C3: variants seen among roughly 807,000 people sequenced by gnomAD.
The protein encoded by C3 is C3 and PZP-like alpha-2-macroglobulin domain-containing protein 1.
Under a neutral mutation model 207.9 loss-of-function variants are expected in C3, and 97 were observed. The observed-to-expected ratio is 0.47, with a 90% CI of 0.40 to 0.55. The LOEUF is 0.55. Among genes scored for constraint, C3 ranks in the 20% least tolerant of loss-of-function variants. The probability of loss-of-function intolerance (pLI) is 0.00; values close to 1 mark genes in which losing one functional copy is unlikely to be tolerated. For synonymous variants in C3, 848 were observed against 857.6 expected, an observed-to-expected ratio of 0.99 and a Z score of 0.20; for missense variants, 1,684 against 2,171.7, an observed-to-expected ratio of 0.78 and a Z score of 4.46.
intron 21 of C3, 125 bp downstream of exon 21, chr19:6,697,219 A>G: frequency 1.3e-6 from 1 of 780,502 alleles, no homozygotes; most frequent in East Asian, 2.7e-5. Flanking sequence ...GGACTTCCAA[A>G]TTTCCTAAGC....
intron 4 of C3, chr19:6,717,830 T>C (rs1166096035): frequency 6.7e-6 from 4 of 592,780 alleles, no homozygotes; most frequent in Non-Finnish European, 1.2e-5. Flanking sequence ...GTTGTGTGTT[T>C]GTGTGTGTTG....
intron 23 of C3, 53 bp from the exon 24 acceptor site, chr19:6,694,687 G>T: frequency 1.3e-6 from 2 of 1,550,590 alleles, no homozygotes; most frequent in South Asian, 1.1e-5. Context: ...GACCCACCTT[G>T]GGGTGGCGTG....
rs1211948675 is a variant in C3, at chr19:6,717,851, G to A, written c.504+243C>T. ...TGTTTGTGTGTGTTGCATTGTGTGT[G>A]TGCATTGTGTGTGCACATGTGTCTG... On this transcript the variant is annotated intron_variant, in intron 4 of 40. Transcript: ENST00000245907. 5.0e-6 allele frequency: 3 copies of A among 600,552 alleles called. No homozygotes were observed. In the Middle Eastern group the frequency reaches 1.3e-3, roughly 265 times the overall value. The allele number at this position is 600,552 out of a possible 1,614,324, so 37.2% of individuals were successfully genotyped here. A position where few individuals can be genotyped will look rare whatever the true frequency, so the allele number is the denominator to read the frequency against.
At chr19:6,700,854 T>C (rs1967659202) in intron 19 of C3, among the ~76,000 whole-genome samples, 1 of 146,938 alleles carries the variant, frequency 6.8e-6, no homozygotes, top group Non-Finnish European at 1.5e-5. Context: ...ATAAATATTA[T>C]AATTAAATTT....
At chr19:6,717,635 GGTTGTGT>G (rs1185218703) in intron 4 of C3, 2 of 284,620 alleles carry the variant, frequency 7.0e-6, no homozygotes, top group Admixed American at 4.8e-5. Context: ...AGTGTTGTGT[GGTTGTGT>G]GTTGTGTGTG....
At chr19:6,689,518 A>T (rs1300388555) in intron 27 of C3, among the ~76,000 whole-genome samples, 2 of 151,878 alleles carry the variant, frequency 1.3e-5, no homozygotes, top group Non-Finnish European at 2.9e-5. Flanking sequence ...TGGGCTTCCC[A>T]CTTGGAAAGC....
At chr19:6,713,549 T>C in intron 7 of C3, 40 bp from the exon 8 acceptor site, 1 of 1,466,926 alleles carries the variant, frequency 6.8e-7, no homozygotes, top group Non-Finnish European at 9.5e-7. Context: ...CCATCCCTCC[T>C]GGAGAATGGG....
Position 6,701,983 on chromosome 19 carries a change from C to G in C3, c.2440+144G>C, listed in dbSNP as rs76845674. On this transcript the variant is annotated intron_variant, in intron 19 of 40. Transcript: ENST00000245907. ...ACAGGAACTAAGGATTCCCACAGTT[C>G]CTGGTAACAACACCTCTGTGGTAAC... The G allele has an allele frequency of 9.2e-3, 6,299 of 686,172 alleles. 283 individuals are homozygous for G. The African/African-American group carries it at 0.099, about 11-fold the overall frequency. 42.5% of individuals were successfully genotyped at this position (686,172 alleles called of 1,614,324 possible). A position where few individuals can be genotyped will look rare whatever the true frequency, so the allele number is the denominator to read the frequency against.
rs898914327 is a variant in C3 at position 6,719,836 on chromosome 19, T to G, written c.75-433A>C. Among the ~76,000 whole-genome samples the G allele has an allele frequency of 6.6e-6, 1 of 151,950 alleles. No homozygotes were observed. Among genetic ancestry groups the G allele is most frequent in the Non-Finnish European group, 1.5e-5 (1 of 68,006 alleles). ...TCAAACTCCCGGACACCCTCAACTC[T>G]ACCTACCCAAACCCACATACGCCAA... On this transcript the variant is annotated intron_variant, in intron 1 of 40. Coordinates refer to ENST00000245907, the MANE Select transcript of C3 (RefSeq NM_000064.4). The surrounding 1 kb of genome is among the most constrained non-coding windows in gnomAD (Gnocchi z 5.4).
At chr19:6,680,356 G>A (rs1182128787) in intron 35 of C3, 93 bp from the exon 36 acceptor site, 1 of 760,834 alleles carries the variant, frequency 1.3e-6, no homozygotes, top group Non-Finnish European at 2.4e-6. Flanking sequence ...GAAACTGAAG[G>A]ATCAAGGAGG....
chr19:6,718,023 GTC>G, intron 4 of C3, 69 bp downstream of exon 4: 1 of 1,456,000 alleles, frequency 6.9e-7, no homozygotes, highest in Non-Finnish European at 9.6e-7. Flanking sequence ...GTCTTTCTCT[GTC>G]TCTCTCGATC....
At chr19:6,686,636 C>T (rs1006812360) in intron 28 of C3, 110 bp downstream of exon 28, 2 of 1,198,994 alleles carry the variant, frequency 1.7e-6, no homozygotes, top group African/African-American at 3.0e-5. Context: ...CTCAGCTTGG[C>T]TTAGGGTCAT....
intron 35 of C3, among the ~76,000 whole-genome samples, chr19:6,681,699 A>G (rs1300738993): frequency 2.6e-5 from 4 of 152,166 alleles, no homozygotes; most frequent in Admixed American, 1.3e-4. Context: ...ATGGTTGTTT[A>G]AGACTCTGAT....
intron 1 of C3, 150 bp downstream of exon 1, chr19:6,720,366 G>A: frequency 3.0e-6 from 2 of 660,658 alleles, no homozygotes; most frequent in Non-Finnish European, 2.8e-6. Context: ...CTCACAGGCA[G>A]CCCAAATATA....
At chr19:6,696,301 C>T (rs564846942) in intron 23 of C3, 78 bp downstream of exon 23, 1 of 859,746 alleles carries the variant, frequency 1.2e-6, no homozygotes, top group East Asian at 2.6e-5. Context: ...GCGGGTTAAA[C>T]ACCTCCAGAA....
chr19:6,689,914 A>G (rs11569518), intron 27 of C3, among the ~76,000 whole-genome samples: 16,057 of 152,196 alleles, frequency 0.11, 1,024 homozygotes, highest in Non-Finnish European at 0.13. Flanking sequence ...CCTGGGAGGC[A>G]AAGGGTGCAG....
intron 28 of C3, 99 bp downstream of exon 28, chr19:6,686,647 C>A (rs1018352566): frequency 7.8e-7 from 1 of 1,289,030 alleles, no homozygotes; most frequent in African/African-American, 1.4e-5. Context: ...TTAGGGTCAT[C>A]TGTCCCAGCT....
chr19:6,698,010 ATT>A (rs112763800), intron 19 of C3, among the ~76,000 whole-genome samples: 44,052 of 91,082 alleles, frequency 0.48, 7,736 homozygotes, highest in East Asian at 0.63. Context: ...TATTATTATT[ATT>A]ATTATTATTA....
At position 6,719,407 on chromosome 19, in the gene C3, T is replaced by C. The variant is rs764870820; in HGVS notation, c.75-4A>G. The C allele has an allele frequency of 1.2e-6, 2 of 1,613,548 alleles. No homozygotes were observed. The highest frequency in any genetic ancestry group is 1.7e-6 in the Non-Finnish European group (2 of 1,179,636). ...GTTGGGGGTGATGATAGAGTACCTG[T>C]CGGAGTGGGGCACGGGAGTGGGCTT... On this transcript the variant is annotated splice_polypyrimidine_tract_variant and splice_region_variant and intron_variant, in intron 1 of 40. Transcript: ENST00000245907. This position sits in a 1 kb window ranked among gnomAD's most constrained non-coding sequence, Gnocchi z 5.4.
Sources: gnomAD v4.1 joint callset for allele counts (sites outside exome capture counted in the v4.1 genomes callset) on GRCh38, gnomAD v4.1.1 for gene constraint, Gnocchi (gnomAD v3.1) non-coding constraint, MANE v1.5 for transcripts, NCBI Gene and HGNC (gene_info 2026-07-23, HGNC 2026-07-21) for gene names.